ZBTB25: variants seen among roughly 807,000 people sequenced by gnomAD.
ZBTB25 encodes the protein zinc finger and BTB domain containing 25, also known as zinc finger and BTB domain-containing protein 25.
ZBTB25 carries 20 observed loss-of-function variants against 34.2 expected under a neutral mutation model. The observed-to-expected ratio is 0.58, with a 90% confidence interval of 0.41 to 0.85. The LOEUF (loss-of-function observed/expected upper bound fraction) is 0.85, where lower values mean the gene tolerates loss of function less well. Ranked by LOEUF, ZBTB25 falls within the 40% of genes least tolerant of loss-of-function variation. ZBTB25 has a pLI of 0.00. For missense variants in ZBTB25, 437 were observed against 521.8 expected (o/e 0.84, Z 1.58); for synonymous variants, 175 against 186.4 (o/e 0.94, Z 0.50).
At chr14:64,476,969 G>GCT (rs2078725909), downstream of ZBTB25, among the ~76,000 whole-genome samples, 1 of 152,040 alleles carries the variant, frequency 6.6e-6, no homozygotes, top group Non-Finnish European at 1.5e-5. Flanking sequence ...TTCTCATTAA[G>GCT]GTATAATTTA....
At position 64,487,418 on chromosome 14, in the gene ZBTB25, A is replaced by C; in HGVS notation, c.813T>G (p.Ala271=). The C allele has an allele frequency of 1.2e-6, 2 of 1,614,232 alleles. No individual in the cohort carries two copies. Among genetic ancestry groups the C allele is most frequent in the Non-Finnish European group, 1.7e-6 (2 of 1,180,042 alleles). Residue 271 remains alanine (A), a synonymous_variant, in exon 3 of 3, where the codon GCT becomes GCG. Transcript: ENST00000608382. Reference sequence around the variant, plus strand: ...CAAGGTCATTACTTTCCAGAATGGAAGCAGGGACACCGAATGGCAGGGATC... The same window carrying C: ...CAAGGTCATTACTTTCCAGAATGGACGCAGGGACACCGAATGGCAGGGATC... The part of the protein sequence containing the change: ...VSGSLPFGVP[A]SILESNDLGE...
At chr14:64,475,167 C>T (rs1051011111), downstream of ZBTB25, among the ~76,000 whole-genome samples, 6 of 152,088 alleles carry the variant, frequency 3.9e-5, no homozygotes, top group Non-Finnish European at 7.4e-5. Flanking sequence ...TGGCCGGGCG[C>T]GGTGGCTCAC....
At chr14:64,504,969 G>A, upstream of ZBTB25, 1 of 394,432 alleles carries the variant, frequency 2.5e-6, no homozygotes, top group Non-Finnish European at 4.5e-6. Context: ...CAGTTGTGGG[G>A]CTATTTGCGC....
rs1159918299 is a variant in ZBTB25 at position 64,484,071 on chromosome 14, T to C, written c.*2852A>G. 1 of 151,870 alleles carries C rather than the reference T, an allele frequency of 6.6e-6. No individual in the cohort carries two copies. Among genetic ancestry groups the C allele is most frequent in the Admixed American group, 6.6e-5 (1 of 15,250 alleles). The allele number at this position is 151,870 out of a possible 1,614,324, so 9.4% of individuals were successfully genotyped here. ...TTCAGCTTTTGGGATTTTTTTTCTA[T>C]AAAATGAAGTTGATATTTTCCCACT... is the stretch of plus-strand genomic sequence containing the variant. On this transcript the variant is annotated 3_prime_UTR_variant, in exon 3 of 3. Transcript: ENST00000608382.
intron 2 of ZBTB25, among the ~76,000 whole-genome samples, chr14:64,489,687 C>G (rs1004823982): frequency 1.1e-4 from 16 of 151,640 alleles, no homozygotes; most frequent in Non-Finnish European, 1.5e-5. Flanking sequence ...AGGCGCCCAC[C>G]ACCATGCCTG....
intron 1 of ZBTB25, among the ~76,000 whole-genome samples, chr14:64,493,125 C>A (rs1249761193): frequency 6.6e-6 from 1 of 152,138 alleles, no homozygotes; most frequent in Non-Finnish European, 1.5e-5. Context: ...GAAATGTGGT[C>A]AGTTCAAAAA....
intron 1 of ZBTB25, among the ~76,000 whole-genome samples, chr14:64,492,601 C>CA (rs11419156): frequency 0.27 from 38,097 of 141,032 alleles, 5,080 homozygotes; most frequent in Non-Finnish European, 0.32. Context: ...TAAGTTGTCT[C>CA]AAAAAAAAAA....
At position 64,452,909 on chromosome 14, in the gene ZBTB25, C is replaced by CA. The variant is rs560251786; in HGVS notation, c.174-3272dup. 3.6e-3 allele frequency among the ~76,000 whole-genome samples: 553 copies of CA among 151,846 alleles called. 4 individuals carry two copies. The highest frequency in any genetic ancestry group is 0.012 in the African/African-American group (497 of 41,442). On this transcript the variant is annotated intron_variant, in intron 2 of 2. Transcript: ENST00000555220. ...TTAAAATTTTTATTTTTTAAAGAGA[C>CA]AGAGTGTTGCTATGTTGCCCAGGCT...
chr14:64,478,323 C>T lies in ZBTB25; in HGVS notation c.*8600G>A, dbSNP rs2078738887. The T allele has an allele frequency of 6.6e-6, 1 of 152,146 alleles. No individual in the cohort carries two copies. The highest frequency in any genetic ancestry group is 2.1e-4 in the South Asian group (1 of 4,830). The allele number at this position is 152,146 out of a possible 1,614,324, so 9.4% of individuals were successfully genotyped here. A position where few individuals can be genotyped will look rare whatever the true frequency, so the allele number is the denominator to read the frequency against. On this transcript the variant is annotated 3_prime_UTR_variant, in exon 3 of 3. Coordinates refer to ENST00000608382, the MANE Select transcript of ZBTB25 (RefSeq NM_006977.5). ...GTGAGAAGAGCTGAAGGTAAGAAAA[C>T]TCTTAACTTATTCAGAATGGAATGG...
intron 1 of ZBTB25, among the ~76,000 whole-genome samples, chr14:64,491,816 C>T (rs1051586961): frequency 1.3e-5 from 2 of 152,166 alleles, no homozygotes; most frequent in Admixed American, 6.5e-5. Flanking sequence ...GAGGTTTCCA[C>T]ACCAGCCAGC....
At chr14:64,500,982 C>T (rs952612916) in intron 1 of ZBTB25, among the ~76,000 whole-genome samples, 6 of 152,124 alleles carry the variant, frequency 3.9e-5, no homozygotes, top group African/African-American at 9.7e-5. Context: ...ATGCAGGAGG[C>T]GGAGGCTGCA....
chr14:64,493,782 TC>T (rs1222327004), intron 1 of ZBTB25, among the ~76,000 whole-genome samples: 2 of 147,984 alleles, frequency 1.4e-5, no homozygotes, highest in East Asian at 3.9e-4. Flanking sequence ...AAAGGCAGAG[TC>T]CCAGAACATT....
At position 64,479,411 on chromosome 14, in the gene ZBTB25, T is replaced by C. The variant is rs1455219575; in HGVS notation, c.*7512A>G. 6.6e-6 allele frequency: 1 copy of C among 152,024 alleles called. No homozygotes were observed. The highest frequency in any genetic ancestry group is 2.4e-5 in the African/African-American group (1 of 41,312). 9.4% of individuals were successfully genotyped at this position (152,024 alleles called of 1,614,324 possible). A position where few individuals can be genotyped will look rare whatever the true frequency, so the allele number is the denominator to read the frequency against. On this transcript the variant is annotated 3_prime_UTR_variant, in exon 3 of 3. Coordinates refer to ENST00000608382, the MANE Select transcript of ZBTB25 (RefSeq NM_006977.5). ...ACATCTCCACATCGTCAAATGTCTC[T>C]ATGGGGGGGGATAGCCCTGTGTAAT...
chr14:64,450,191 C>T (rs947645607), intron 2 of ZBTB25, among the ~76,000 whole-genome samples: 9 of 152,162 alleles, frequency 5.9e-5, no homozygotes, highest in Non-Finnish European at 8.8e-5. Context: ...ATCCTAACTT[C>T]GAAAAGGGTC....
chr14:64,453,565 G>A (rs569405480), intron 2 of ZBTB25, among the ~76,000 whole-genome samples: 26 of 152,160 alleles, frequency 1.7e-4, no homozygotes, highest in African/African-American at 4.8e-4. Flanking sequence ...GCGAAACTCC[G>A]TCTCAAAAAA....
downstream of ZBTB25, among the ~76,000 whole-genome samples, chr14:64,475,936 T>TA (rs1213801033): frequency 3.3e-5 from 5 of 152,236 alleles, no homozygotes; most frequent in African/African-American, 1.2e-4. Context: ...TTGGCCTTGA[T>TA]ATGACAGTGC....
intron 2 of ZBTB25, chr14:64,449,668 C>T (rs1490634000): frequency 4.4e-6 from 7 of 1,600,212 alleles, no homozygotes; most frequent in Non-Finnish European, 6.0e-6. Flanking sequence ...ACGAAAAGGG[C>T]ACAGTGAAGT....
intron 2 of ZBTB25, among the ~76,000 whole-genome samples, chr14:64,458,839 AT>A (rs2140994459): frequency 6.6e-6 from 1 of 152,328 alleles, no homozygotes; most frequent in Non-Finnish European, 1.5e-5. Context: ...ATTGTTTGAT[AT>A]TTTTGAAATT....
chr14:64,465,664 T>G (rs577337084), intron 2 of ZBTB25: 205 of 152,268 alleles, frequency 1.3e-3, no homozygotes, highest in Admixed American at 8.2e-3. Context: ...TCGGGGGCAA[T>G]GTCCGGTCCG....
Sources: gnomAD v4.1 joint callset for allele counts (sites outside exome capture counted in the v4.1 genomes callset) on GRCh38, gnomAD v4.1.1 for gene constraint, MANE v1.5 for transcripts, NCBI Gene and HGNC (gene_info 2026-07-23, HGNC 2026-07-21) for gene names.